GATM: variants seen among roughly 807,000 people sequenced by gnomAD.
The protein encoded by GATM is glycine amidinotransferase.
In GATM, 23 loss-of-function variants were observed where a neutral mutation model predicts 54.2. The observed-to-expected ratio is 0.42, with a 90% confidence interval of 0.31 to 0.60. The LOEUF (loss-of-function observed/expected upper bound fraction) is 0.60, where lower values mean the gene tolerates loss of function less well. Among genes scored for constraint, GATM ranks in the 20% least tolerant of loss-of-function variants. The pLI is 0.14. For missense variants in GATM, 401 were observed against 544.9 expected, an observed-to-expected ratio of 0.74 and a Z score of 2.63; for synonymous variants, 168 against 183.1, an observed-to-expected ratio of 0.92 and a Z score of 0.67.
chr15:45,369,253 G>T, intron 3 of GATM, 73 bp downstream of exon 3: 1 of 1,375,966 alleles, frequency 7.3e-7, no homozygotes, highest in Non-Finnish European at 1.0e-6. Context: ...ATTTTTTGGA[G>T]CTTTCCCCTT....
At chr15:45,394,843 C>T (rs375752196) in intron 3 of GATM, among the ~76,000 whole-genome samples, 10 of 152,150 alleles carry the variant, frequency 6.6e-5, no homozygotes, top group African/African-American at 2.2e-4. Flanking sequence ...ATTCAGAACA[C>T]GTATCTTCAT....
At chr15:45,365,913 C>T (rs1889440764) in intron 6 of GATM, 133 bp downstream of exon 6, 1 of 815,308 alleles carries the variant, frequency 1.2e-6, no homozygotes, top group African/African-American at 1.7e-5. Flanking sequence ...AATGTTTGAT[C>T]ATAATAATGT....
intron 1 of GATM, chr15:45,378,058 A>G (rs1595486437): frequency 6.8e-6 from 2 of 293,590 alleles, no homozygotes; most frequent in African/African-American, 4.4e-5. Flanking sequence ...AGCTTGGTGC[A>G]GCGCACCAAG....
chr15:45,367,688 G>C (rs1889471846), intron 4 of GATM, among the ~76,000 whole-genome samples: 1 of 152,170 alleles, frequency 6.6e-6, no homozygotes, highest in African/African-American at 2.4e-5. Flanking sequence ...AGAAGAAAGT[G>C]AACTTCAGTC....
At chr15:45,372,259 G>A (rs1466947748) in intron 2 of GATM, among the ~76,000 whole-genome samples, 3 of 152,224 alleles carry the variant, frequency 2.0e-5, no homozygotes, top group Non-Finnish European at 2.9e-5. Context: ...GGTCTGCAAA[G>A]CCTAAATTAC....
At position 45,376,717 on chromosome 15, in the gene GATM, C is replaced by T. The variant is rs758827825; in HGVS notation, c.172G>A (p.Glu58Lys). The change falls in exon 2 of 9, where the codon GAG (glutamate) becomes AAG (lysine). Residue 58 changes from glutamate to lysine, a missense_variant. Transcript: ENST00000396659. ...ACAGGGCAGTCCTTGGGCAGAGGCT[C>T]AGTGGCTTTGTCGTCAGCTGCACAG... Reference protein sequence around the residue: ...NSCAADDKATEPLPKDCPVSS... With the variant: ...NSCAADDKATKPLPKDCPVSS... The T allele has an allele frequency of 6.2e-7, 1 of 1,614,212 alleles. No homozygotes were observed. Among genetic ancestry groups the T allele is most frequent in the Non-Finnish European group, 8.5e-7 (1 of 1,180,038 alleles).
chr15:45,378,510 T>C lies in GATM; in HGVS notation c.-57A>G, dbSNP rs1889685835. 2 of 1,278,850 alleles carry C rather than the reference T, an allele frequency of 1.6e-6. No homozygotes were observed. The highest frequency in any genetic ancestry group is 3.3e-5 in the East Asian group (1 of 30,254). 79.2% of individuals were successfully genotyped at this position (1,278,850 alleles called of 1,614,324 possible). On this transcript the variant is annotated 5_prime_UTR_variant, in exon 1 of 9. Transcript: ENST00000396659. The stretch of plus-strand genomic sequence containing the variant: ...GTTCCTGGCCTCTGGGCCGCGTCGG[T>C]CCAAGCCTTCCCGAGAGCGCGCCCG...
chr15:45,361,747 T>A lies in GATM; in HGVS notation c.*362A>T. ...CAAGTCTATAGAAGAGGAAAAAAAA[T>A]TAAGATTAGGACCAACATTTCAAGC... On this transcript the variant is annotated 3_prime_UTR_variant, in exon 9 of 9. Coordinates refer to ENST00000396659, the MANE Select transcript of GATM (RefSeq NM_001482.3). 2.1e-6 allele frequency: 1 copy of A among 477,978 alleles called. No individual in the cohort carries two copies. Among genetic ancestry groups the A allele is most frequent in the Non-Finnish European group, 3.6e-6 (1 of 274,042 alleles). 29.6% of individuals were successfully genotyped at this position (477,978 alleles called of 1,614,324 possible). A position where few individuals can be genotyped will look rare whatever the true frequency, so the allele number is the denominator to read the frequency against.
chr15:45,385,246 C>T lies in GATM; in HGVS notation c.-318-8427G>A, dbSNP rs918110956. Among the ~76,000 whole-genome samples, 7 of 152,280 alleles carry T rather than the reference C, an allele frequency of 4.6e-5. No individual in the cohort carries two copies. The East Asian group carries it at 9.7e-4, about 21-fold the overall frequency. ...TGGTAAGAAGGCAGCTGTCACTGGA[C>T]CTTCTCCCTCATCTCATTCTTGTAG... is the stretch of plus-strand genomic sequence containing the variant. On this transcript the variant is annotated intron_variant, in intron 3 of 4. Coordinates refer to the GATM transcript ENST00000561148.
chr15:45,378,392 C>G lies in GATM; in HGVS notation c.62G>C (p.Gly21Ala), dbSNP rs1351218673. ...SRGAEAVHYI[G>A]SRLGRTLTGW... ...GGCCGGTGGCGCACGCACCCGAGAT[C>G]CGATGTAGTGCACCGCCTCGGCGCC... is the stretch of plus-strand genomic sequence containing the variant. The change falls in exon 1 of 9, where the codon GGA becomes GCA. Residue 21 changes from glycine to alanine, a missense_variant. Gly to Ala is a moderately conservative substitution (Grantham distance 60). Around this residue, in one of 3 missense-constraint regions of GATM, gnomAD observed 70 missense variants for 61.5 expected, o/e 1.14. Transcript: ENST00000396659. The G allele has an allele frequency of 6.6e-7, 1 of 1,519,898 alleles. No individual in the cohort carries two copies. The highest frequency in any genetic ancestry group is 2.0e-5 in the Admixed American group (1 of 49,460). 94.2% of individuals were successfully genotyped at this position (1,519,898 alleles called of 1,614,324 possible).
At chr15:45,372,336 C>T (rs936781571) in intron 2 of GATM, among the ~76,000 whole-genome samples, 3 of 152,274 alleles carry the variant, frequency 2.0e-5, no homozygotes, top group African/African-American at 7.2e-5. Context: ...AGCTCTTTTA[C>T]TAAGGTCTAT....
At chr15:45,375,425 G>A (rs1276932398) in intron 2 of GATM, among the ~76,000 whole-genome samples, 1 of 152,188 alleles carries the variant, frequency 6.6e-6, no homozygotes, top group Non-Finnish European at 1.5e-5. Context: ...AATCCTGGAA[G>A]ACTTTGTGAA....
At chr15:45,400,377 G>A (rs1889985821) in intron 1 of GATM, among the ~76,000 whole-genome samples, 1 of 152,222 alleles carries the variant, frequency 6.6e-6, no homozygotes, top group South Asian at 2.1e-4. Flanking sequence ...GGATGATTGG[G>A]AAAGACATTT....
chr15:45,389,440 T>G (rs1489331404), intron 3 of GATM, among the ~76,000 whole-genome samples: 2 of 152,016 alleles, frequency 1.3e-5, no homozygotes, highest in African/African-American at 4.8e-5. Flanking sequence ...TTTTGCAGGG[T>G]TTTTTGTTTT....
At chr15:45,362,363 T>G in intron 8 of GATM, 142 bp from the exon 9 acceptor site, 1 of 671,452 alleles carries the variant, frequency 1.5e-6, no homozygotes, top group East Asian at 2.7e-5. Flanking sequence ...CTCTTCCAAT[T>G]TTATTTTCAC....
upstream of GATM, among the ~76,000 whole-genome samples, chr15:45,382,665 C>T (rs1889755841): frequency 6.6e-6 from 1 of 152,012 alleles, no homozygotes; most frequent in African/African-American, 2.4e-5. Context: ...TGTTGGTGCA[C>T]ACCTGTAATC....
chr15:45,392,305 C>T (rs987837903), intron 3 of GATM, among the ~76,000 whole-genome samples: 10 of 152,208 alleles, frequency 6.6e-5, no homozygotes, highest in African/African-American at 1.7e-4. Context: ...CTGGTTCCTA[C>T]AGTGCGCATT....
intron 3 of GATM, 58 bp downstream of exon 3, chr15:45,369,268 A>G (rs1595483644): frequency 6.7e-7 from 1 of 1,502,220 alleles, no homozygotes; most frequent in Non-Finnish European, 9.3e-7. Context: ...CCCCTTACAC[A>G]TTAAGAAAGA....
upstream of GATM, among the ~76,000 whole-genome samples, chr15:45,380,933 A>G (rs1280064239): frequency 6.6e-6 from 1 of 152,052 alleles, no homozygotes; most frequent in East Asian, 1.9e-4. Context: ...ACTTTTATTC[A>G]TTCACTACAA....
Sources: allele counts gnomAD v4.1 joint callset (sites outside exome capture counted in the v4.1 genomes callset), GRCh38; gene constraint gnomAD v4.1.1; regional missense constraint gnomAD v4.1.1; transcripts MANE v1.5; gene names NCBI Gene and HGNC (gene_info 2026-07-23, HGNC 2026-07-21).